The following ZDHHC20 variants were observed in gnomAD, a reference collection of about 807,000 sequenced individuals.
The protein encoded by ZDHHC20 is palmitoyltransferase ZDHHC20.
In ZDHHC20, 43 loss-of-function variants were observed where a neutral mutation model predicts 57.8. The observed-to-expected ratio is 0.74, with a 90% confidence interval of 0.58 to 0.96. The LOEUF is 0.96. ZDHHC20 is among the 40% of genes least tolerant of loss of function. The pLI is 0.00. For synonymous variants in ZDHHC20, 157 were observed against 153.0 expected (o/e 1.03, Z -0.19); for missense variants, 391 against 441.1 (o/e 0.89, Z 1.02).
At chr13:21,398,230 C>T (rs1264563315) in intron 7 of ZDHHC20, among the ~76,000 whole-genome samples, 1 of 151,928 alleles carries the variant, frequency 6.6e-6, no homozygotes, top group African/African-American at 2.4e-5. Flanking sequence ...TTTGGGAGGT[C>T]GAGGCGGGCA....
At chr13:21,452,873 T>C (rs182926769) in intron 1 of ZDHHC20, among the ~76,000 whole-genome samples, 1 of 151,846 alleles carries the variant, frequency 6.6e-6, no homozygotes, top group Admixed American at 6.6e-5. Context: ...ATTAAAAAAA[T>C]TGTAAAGATC....
chr13:21,398,040 A>AT (rs1365841774), intron 7 of ZDHHC20, among the ~76,000 whole-genome samples: 1 of 152,220 alleles, frequency 6.6e-6, no homozygotes, highest in Non-Finnish European at 1.5e-5. Flanking sequence ...CATCAATCCT[A>AT]TAAGTTATTA....
chr13:21,416,878 GA>G (rs773648514), intron 3 of ZDHHC20, among the ~76,000 whole-genome samples: 70 of 152,342 alleles, frequency 4.6e-4, no homozygotes, highest in Non-Finnish European at 8.8e-4. Context: ...TTTAGTTCAT[GA>G]AGGGATTTGG....
rs1363384493 is a variant in ZDHHC20, at chr13:21,373,876, A to G, written c.*2820T>C. ...TTAATACGTATGAATCAGTTGAGCT[A>G]AATATTATTTAGAACGTGGCAAAAT... On this transcript the variant is annotated 3_prime_UTR_variant, in exon 13 of 13. Coordinates refer to ENST00000400590, the MANE Select transcript of ZDHHC20 (RefSeq NM_001330059.2). 6.6e-6 allele frequency: 1 copy of G among 152,340 alleles called. No homozygotes were observed. The highest frequency in any genetic ancestry group is 1.5e-5 in the Non-Finnish European group (1 of 68,106). The allele number at this position is 152,340 out of a possible 1,614,324, so 9.4% of individuals were successfully genotyped here.
At chr13:21,449,184 C>G (rs993895471) in intron 1 of ZDHHC20, among the ~76,000 whole-genome samples, 5 of 147,964 alleles carry the variant, frequency 3.4e-5, no homozygotes, top group Non-Finnish European at 7.5e-5. Flanking sequence ...GCCAAATCCC[C>G]CTCTGTGAGA....
chr13:21,402,798 A>G lies in ZDHHC20; in HGVS notation c.439T>C (p.Ser147Pro). 1 of 1,596,026 alleles carries G rather than the reference A, an allele frequency of 6.3e-7. No homozygotes were observed. Among genetic ancestry groups the G allele is most frequent in the Non-Finnish European group, 8.5e-7 (1 of 1,170,726 alleles). ...AGCATATGTGTGAGTAACACTTACG[A>G]GTCACAGGCTGAGCAGTGATGCGCC... ...DRAHHCSACD[S>P]CILKMDHHCP... Residue 147 changes from serine to proline, a missense_variant and splice_region_variant, in exon 5 of 13, where the codon TCA (serine) becomes CCA (proline). Physicochemically the swap from Ser to Pro is moderately conservative, Grantham distance 74. Transcript: ENST00000400590.
chr13:21,455,674 C>G (rs1884865813), intron 1 of ZDHHC20, among the ~76,000 whole-genome samples: 1 of 135,426 alleles, frequency 7.4e-6, no homozygotes, highest in Admixed American at 7.5e-5. Context: ...GTGTGTGTGT[C>G]TAATTACACA....
intron 12 of ZDHHC20, 75 bp from the exon 13 acceptor site, chr13:21,376,730 G>A: frequency 1.1e-6 from 1 of 947,336 alleles, no homozygotes; most frequent in Non-Finnish European, 1.5e-6. Context: ...ATGGTTCTGT[G>A]GGCTAAGGTA....
At chr13:21,428,054 A>G (rs941404021) in intron 1 of ZDHHC20, among the ~76,000 whole-genome samples, 1 of 151,996 alleles carries the variant, frequency 6.6e-6, no homozygotes, top group Admixed American at 6.6e-5. Context: ...TGACTTTTTC[A>G]CCAGCATCTG....
At chr13:21,403,713 A>T (rs181319459) in intron 4 of ZDHHC20, among the ~76,000 whole-genome samples, 2 of 152,198 alleles carry the variant, frequency 1.3e-5, no homozygotes, top group Non-Finnish European at 2.9e-5. Context: ...TCTGGGACGG[A>T]GTGTCGCTCC....
intron 4 of ZDHHC20, among the ~76,000 whole-genome samples, chr13:21,405,847 C>T (rs539622748): frequency 1.7e-4 from 26 of 152,310 alleles, no homozygotes; most frequent in African/African-American, 6.0e-4. Flanking sequence ...CAGAATCCCT[C>T]ATCACTTAAT....
At chr13:21,393,799 G>A (rs1876271307) in intron 7 of ZDHHC20, among the ~76,000 whole-genome samples, 1 of 142,916 alleles carries the variant, frequency 7.0e-6, no homozygotes. Flanking sequence ...TGATCCTCCC[G>A]CCTTGGCCTC....
intron 8 of ZDHHC20, among the ~76,000 whole-genome samples, chr13:21,391,425 C>G (rs1053604196): frequency 3.3e-5 from 5 of 152,050 alleles, no homozygotes; most frequent in Non-Finnish European, 5.9e-5. Context: ...AATAATGAAC[C>G]TTTATTATAA....
At chr13:21,426,975 C>T (rs922347635) in intron 1 of ZDHHC20, among the ~76,000 whole-genome samples, 1 of 152,072 alleles carries the variant, frequency 6.6e-6, no homozygotes, top group Non-Finnish European at 1.5e-5. Flanking sequence ...TGTGGTTTCC[C>T]AAATGCATCA....
intron 11 of ZDHHC20, 49 bp from the exon 12 acceptor site, chr13:21,378,787 AAGT>A: frequency 9.3e-7 from 1 of 1,071,450 alleles, no homozygotes; most frequent in Non-Finnish European, 1.3e-6. Context: ...AAAAAAAAAG[AAGT>A]ATTAAGTTTC....
At chr13:21,434,336 A>ACC (rs375236944) in intron 1 of ZDHHC20, among the ~76,000 whole-genome samples, 2 of 151,988 alleles carry the variant, frequency 1.3e-5, no homozygotes, top group Non-Finnish European at 2.9e-5. Context: ...AGATAATGAC[A>ACC]ATAACACTGC....
In ZDHHC20 at chr13:21,381,557, GAAGAGC is replaced by G; in HGVS notation, c.945-14_945-9del. On this transcript the variant is annotated splice_polypyrimidine_tract_variant and intron_variant, in intron 10 of 12. Coordinates refer to ENST00000400590, the MANE Select transcript of ZDHHC20 (RefSeq NM_001330059.2). ...GGTTGATTTGAGCCACTACTGAAAA[GAAGAGC>G]AAACAACTTAGTAAACAGCTTAATG... 6.3e-7 allele frequency: 1 copy of G among 1,597,990 alleles called. No individual in the cohort carries two copies. The highest frequency in any genetic ancestry group is 8.6e-7 in the Non-Finnish European group (1 of 1,166,266).
chr13:21,455,254 TA>T (rs1884815469), intron 1 of ZDHHC20, among the ~76,000 whole-genome samples: 1 of 152,104 alleles, frequency 6.6e-6, no homozygotes, highest in Non-Finnish European at 1.5e-5. Flanking sequence ...TCATCAGAAG[TA>T]AAGGGACTGA....
chr13:21,401,271 GT>G, intron 6 of ZDHHC20, among the ~76,000 whole-genome samples: 1 of 152,090 alleles, frequency 6.6e-6, no homozygotes, highest in Non-Finnish European at 1.5e-5. Flanking sequence ...CAGAGACCCT[GT>G]TTCAAAAATA....
Sources: allele counts gnomAD v4.1 joint callset (sites outside exome capture counted in the v4.1 genomes callset), GRCh38; gene constraint gnomAD v4.1.1; transcripts MANE v1.5; gene names NCBI Gene and HGNC (gene_info 2026-07-23, HGNC 2026-07-21).